ZNF469: variants seen among roughly 807,000 people sequenced by gnomAD.
ZNF469 encodes the protein zinc finger protein 469.
Under a neutral mutation model 1.0 loss-of-function variants are expected in ZNF469, and 1 was observed. The observed-to-expected ratio is 1.00, with a 90% CI of 0.35 to 4.73. The LOEUF (loss-of-function observed/expected upper bound fraction) is 4.73. Among genes scored for constraint, ZNF469 ranks in the 30% most tolerant of loss-of-function variants. The probability of loss-of-function intolerance (pLI) is 0.16; values close to 1 mark genes in which losing one functional copy is unlikely to be tolerated. For synonymous variants in ZNF469, 2,703 were observed against 2,363.4 expected, an observed-to-expected ratio of 1.14 and a Z score of -4.17; for missense variants, 6,100 against 5,356.3, an observed-to-expected ratio of 1.14 and a Z score of -4.33.
At chr16:88,103,132 C>A in the ZNF469 span, among the ~76,000 whole-genome samples, 1 of 152,142 alleles carries the variant, frequency 6.6e-6, no homozygotes, top group Non-Finnish European at 1.5e-5. Context: ...GGCGGACGCC[C>A]CTTCTGGCCC....
the ZNF469 span, among the ~76,000 whole-genome samples, chr16:88,370,810 G>A: frequency 1.3e-5 from 2 of 152,216 alleles, no homozygotes; most frequent in African/African-American, 4.8e-5. Flanking sequence ...TCCATCCCTT[G>A]AAGTTGGCTT....
At chr16:88,217,278 C>T in the ZNF469 span, among the ~76,000 whole-genome samples, 1 of 152,068 alleles carries the variant, frequency 6.6e-6, no homozygotes, top group Non-Finnish European at 1.5e-5. Flanking sequence ...CAGCCAGGTA[C>T]TCTGCTGAGT....
chr16:88,371,738 C>A, the ZNF469 span, among the ~76,000 whole-genome samples: 1 of 152,028 alleles, frequency 6.6e-6, no homozygotes, highest in African/African-American at 2.4e-5. Flanking sequence ...GTTGCTTGTT[C>A]TCAGTGACAT....
At chr16:88,281,536 G>T in the ZNF469 span, among the ~76,000 whole-genome samples, 10 of 147,070 alleles carry the variant, frequency 6.8e-5, no homozygotes, top group Middle Eastern at 8.3e-3. Context: ...GTACTGTGCC[G>T]ATGTTGGCTC....
chr16:88,132,615 A>C, the ZNF469 span, among the ~76,000 whole-genome samples: 1 of 152,102 alleles, frequency 6.6e-6, no homozygotes, highest in African/African-American at 2.4e-5. Context: ...TTGTTCAAAG[A>C]ATCCATATCA....
the ZNF469 span, among the ~76,000 whole-genome samples, chr16:88,106,145 T>C: frequency 6.6e-6 from 1 of 152,126 alleles, no homozygotes; most frequent in African/African-American, 2.4e-5. Context: ...GGTAGCCGGG[T>C]CCCTGCAGAG....
the ZNF469 span, among the ~76,000 whole-genome samples, chr16:88,289,666 A>T: frequency 6.6e-6 from 1 of 152,162 alleles, no homozygotes; most frequent in Non-Finnish European, 1.5e-5. Flanking sequence ...TGGAGCTGGG[A>T]TCGTTCCCAA....
intron 1 of ZNF469, among the ~76,000 whole-genome samples, chr16:88,412,220 C>T (rs1484253932): frequency 1.3e-5 from 2 of 152,214 alleles, no homozygotes; most frequent in Non-Finnish European, 1.5e-5. Flanking sequence ...GTCCCAGGCC[C>T]GAAGTAACAC....
At chr16:88,112,944 ATT>A in the ZNF469 span, among the ~76,000 whole-genome samples, 1 of 151,346 alleles carries the variant, frequency 6.6e-6, no homozygotes, top group African/African-American at 2.4e-5. Context: ...CGCCTGGCTA[ATT>A]TTTTTGCATT....
chr16:88,285,354 A>G, the ZNF469 span, among the ~76,000 whole-genome samples: 1 of 152,244 alleles, frequency 6.6e-6, no homozygotes, highest in South Asian at 2.1e-4. Flanking sequence ...AACCCTCGGC[A>G]TCTGTGCAGG....
chr16:88,212,339 T>C, the ZNF469 span, among the ~76,000 whole-genome samples: 1 of 152,194 alleles, frequency 6.6e-6, no homozygotes, highest in African/African-American at 2.4e-5. Flanking sequence ...TGACTTCACT[T>C]ATACACAGTG....
At chr16:88,235,823 G>A in the ZNF469 span, among the ~76,000 whole-genome samples, 1 of 152,368 alleles carries the variant, frequency 6.6e-6, no homozygotes, top group South Asian at 2.1e-4. Context: ...ATGTGCCGCA[G>A]GGGGTTGGGC....
chr16:88,435,792 T>G lies in ZNF469; in HGVS notation c.8322T>G (p.Pro2774=), dbSNP rs1339880334. 6.4e-7 allele frequency: 1 copy of G among 1,550,390 alleles called. No individual in the cohort carries two copies. Among genetic ancestry groups the G allele is most frequent in the African/African-American group, 1.4e-5 (1 of 73,028 alleles). The change falls in exon 3 of 3, where the codon CCT becomes CCG. Residue 2774 remains proline, a synonymous_variant. Coordinates refer to ENST00000565624, the MANE Select transcript of ZNF469 (RefSeq NM_001367624.2). ...LGVCKESGSE[P]AEDSSRAHSR... ...TGTGCAAAGAGTCTGGGAGCGAGCC[T>G]GCGGAGGACAGCAGCAGGGCCCACA...
Position 88,432,704 on chromosome 16 carries a change from A to C in ZNF469, c.5234A>C (p.Gln1745Pro). The C allele has an allele frequency of 6.4e-7, 1 of 1,550,444 alleles. No individual in the cohort carries two copies. The highest frequency in any genetic ancestry group is 8.7e-7 in the Non-Finnish European group (1 of 1,146,990). ...AGSLAKCSPD[Q>P]ELSFPKNKEA... Reference sequence around the variant, plus strand: ...AGTTTAGCAAAGTGCAGCCCCGACCAGGAACTTTCATTTCCTAAGAATAAG... The same window carrying C: ...AGTTTAGCAAAGTGCAGCCCCGACCCGGAACTTTCATTTCCTAAGAATAAG... The change falls in exon 3 of 3, where the codon CAG becomes CCG. Residue 1745 changes from glutamine (Q) to proline (P), a missense_variant. Transcript: ENST00000565624.
the ZNF469 span, among the ~76,000 whole-genome samples, chr16:88,158,314 G>A: frequency 7.8e-4 from 119 of 152,044 alleles, no homozygotes; most frequent in African/African-American, 8.9e-4. Flanking sequence ...CTGTGCTCTC[G>A]CTGCTAGAGA....
chr16:88,342,447 C>T, the ZNF469 span, among the ~76,000 whole-genome samples: 17,739 of 152,170 alleles, frequency 0.12, 1,320 homozygotes, highest in African/African-American at 0.21. Context: ...CAGCTCCCCA[C>T]TCCAATGGCC....
the ZNF469 span, among the ~76,000 whole-genome samples, chr16:88,108,411 G>A: frequency 8.4e-4 from 128 of 152,304 alleles, no homozygotes; most frequent in Non-Finnish European, 1.5e-3. Flanking sequence ...GGTCACACCC[G>A]ACGTCTCCTG....
At chr16:88,181,366 G>A in the ZNF469 span, among the ~76,000 whole-genome samples, 22 of 152,096 alleles carry the variant, frequency 1.4e-4, no homozygotes, top group Non-Finnish European at 2.6e-4. Flanking sequence ...CACCACTCCC[G>A]GCCAGAATAC....
At chr16:88,420,707 G>A (rs1204979813) in intron 1 of ZNF469, among the ~76,000 whole-genome samples, 1 of 152,272 alleles carries the variant, frequency 6.6e-6, no homozygotes, top group Non-Finnish European at 1.5e-5. Flanking sequence ...GGCACTCACT[G>A]CGTGCTGGTT....
Sources: allele counts gnomAD v4.1 joint callset (sites outside exome capture counted in the v4.1 genomes callset), GRCh38; gene constraint gnomAD v4.1.1; transcripts MANE v1.5; gene names NCBI Gene and HGNC (gene_info 2026-07-23, HGNC 2026-07-21).